NR2F1-AS1: variants seen among roughly 807,000 people sequenced by gnomAD.
NR2F1-AS1 encodes NR2F1 antisense RNA 1.
chr5:93,510,754 T>C (rs1442463786), intron 4 of NR2F1-AS1, among the ~76,000 whole-genome samples: 1 of 152,174 alleles, frequency 6.6e-6, no homozygotes, highest in Non-Finnish European at 1.5e-5. Flanking sequence ...CTCCAAGTTA[T>C]CATGCAGCCA....
upstream of NR2F1-AS1, chr5:93,584,148 T>C (rs2149940661): frequency 6.7e-6 from 1 of 149,472 alleles, no homozygotes; most frequent in Non-Finnish European, 1.5e-5. Flanking sequence ...CGGCGAGGGC[T>C]CCCGCCGGGA....
intron 4 of NR2F1-AS1, among the ~76,000 whole-genome samples, chr5:93,419,627 A>T (rs1749045760): frequency 6.6e-6 from 1 of 152,226 alleles, no homozygotes; most frequent in South Asian, 2.1e-4. Flanking sequence ...GCATAGAAAT[A>T]TCGGAAAGGA....
chr5:93,468,606 C>T (rs1296779387), intron 4 of NR2F1-AS1, among the ~76,000 whole-genome samples: 3 of 152,106 alleles, frequency 2.0e-5, no homozygotes, highest in Admixed American at 6.5e-5. Context: ...TGTCTGTTCA[C>T]TCTGATGATA....
chr5:93,510,415 T>C (rs1217755883), intron 4 of NR2F1-AS1, among the ~76,000 whole-genome samples: 1 of 152,136 alleles, frequency 6.6e-6, no homozygotes, highest in Non-Finnish European at 1.5e-5. Flanking sequence ...CCATATTCCC[T>C]TAGTGGCATC....
chr5:93,452,572 A>G (rs7442779), intron 4 of NR2F1-AS1, among the ~76,000 whole-genome samples: 4,045 of 152,328 alleles, frequency 0.027, 92 homozygotes, highest in Middle Eastern at 0.051. Context: ...GGTCTTCTGT[A>G]ATCTATGGCT....
intron 4 of NR2F1-AS1, among the ~76,000 whole-genome samples, chr5:93,493,476 T>C (rs761633203): frequency 3.3e-5 from 5 of 152,028 alleles, no homozygotes; most frequent in Admixed American, 6.6e-5. Context: ...GATAACAATA[T>C]TACCCAAATC....
chr5:93,433,939 C>T (rs369316057), intron 4 of NR2F1-AS1, among the ~76,000 whole-genome samples: 8 of 152,278 alleles, frequency 5.3e-5, no homozygotes, highest in African/African-American at 1.7e-4. Flanking sequence ...GACCTACACG[C>T]AGCCTCCCTC....
chr5:93,577,525 G>A (rs576152124), intron 1 of NR2F1-AS1, among the ~76,000 whole-genome samples: 2 of 152,304 alleles, frequency 1.3e-5, no homozygotes, highest in African/African-American at 4.8e-5. Flanking sequence ...TGGGGGTAAA[G>A]ATTTCTGAGA....
intron 4 of NR2F1-AS1, among the ~76,000 whole-genome samples, chr5:93,440,055 T>C (rs766790589): frequency 3.3e-5 from 5 of 152,134 alleles, no homozygotes; most frequent in Non-Finnish European, 7.4e-5. Flanking sequence ...ATCAGATAAG[T>C]CTTTGGAAAG....
intron 4 of NR2F1-AS1, among the ~76,000 whole-genome samples, chr5:93,521,231 A>C (rs1751495403): frequency 6.6e-6 from 1 of 152,238 alleles, no homozygotes; most frequent in African/African-American, 2.4e-5. Context: ...AGATGGATTA[A>C]AGATTTAAAT....
At chr5:93,572,533 G>A (rs1021543706) in intron 1 of NR2F1-AS1, among the ~76,000 whole-genome samples, 3 of 152,156 alleles carry the variant, frequency 2.0e-5, no homozygotes, top group African/African-American at 7.2e-5. Flanking sequence ...CCGCAGCCAC[G>A]CAACAACGCG....
chr5:93,517,997 T>G (rs1239194870), intron 4 of NR2F1-AS1, among the ~76,000 whole-genome samples: 2 of 152,090 alleles, frequency 1.3e-5, no homozygotes, highest in African/African-American at 4.8e-5. Flanking sequence ...GGTCTTGATA[T>G]GTTGCCCAAG....
chr5:93,431,227 A>G (rs1002892679), intron 4 of NR2F1-AS1, among the ~76,000 whole-genome samples: 1 of 152,184 alleles, frequency 6.6e-6, no homozygotes, highest in Non-Finnish European at 1.5e-5. Context: ...AGTTATTTCC[A>G]GATGCATAAT....
intron 4 of NR2F1-AS1, among the ~76,000 whole-genome samples, chr5:93,513,742 C>T (rs1751347389): frequency 6.6e-6 from 1 of 152,030 alleles, no homozygotes; most frequent in African/African-American, 2.4e-5. Context: ...AATCACATCC[C>T]AAACCTCAGC....
intron 4 of NR2F1-AS1, among the ~76,000 whole-genome samples, chr5:93,532,174 C>A (rs1751749793): frequency 1.3e-5 from 2 of 152,040 alleles, no homozygotes; most frequent in Admixed American, 1.3e-4. Flanking sequence ...AGTTTTTCTG[C>A]CAATATTTTT....
chr5:93,547,154 TATATGC>T (rs897636862), intron 4 of NR2F1-AS1, among the ~76,000 whole-genome samples: 3 of 152,140 alleles, frequency 2.0e-5, no homozygotes, highest in Admixed American at 6.5e-5. Context: ...TGTGTGTATG[TATATGC>T]ATATGCATAT....
chr5:93,563,985 C>G (rs557472868), intron 1 of NR2F1-AS1, among the ~76,000 whole-genome samples: 1 of 151,462 alleles, frequency 6.6e-6, no homozygotes, highest in East Asian at 1.9e-4. Flanking sequence ...GCCTGTAGTT[C>G]CAGCTACCCG....
At position 93,573,019 on chromosome 5, in the gene NR2F1-AS1, G is replaced by A. The variant is rs540287189; in HGVS notation, n.313+7448C>T. On this transcript the variant is annotated intron_variant and non_coding_transcript_variant, in intron 1 of 5. Coordinates refer to ENST00000660523, the Ensembl canonical transcript of NR2F1-AS1. ...CAATGCGCAGGTGCCAGAGGAGCCA[G>A]GAGGAGTGAGAAGCGCCCTAGACCC... Among the ~76,000 whole-genome samples the A allele has an allele frequency of 1.2e-3, 187 of 152,366 alleles. 1 individual carries two copies. Among genetic ancestry groups the A allele is most frequent in the Middle Eastern group, 3.4e-3 (1 of 294 alleles).
At chr5:93,476,999 G>C (rs917169976) in intron 4 of NR2F1-AS1, among the ~76,000 whole-genome samples, 1 of 152,146 alleles carries the variant, frequency 6.6e-6, no homozygotes, top group Admixed American at 6.5e-5. Flanking sequence ...ACCAAAGCTT[G>C]ATTTGAGCAA....
Sources: gnomAD v4.1 joint callset for allele counts (sites outside exome capture counted in the v4.1 genomes callset) on GRCh38, gnomAD v4.1.1 for gene constraint, MANE v1.5 for transcripts, NCBI Gene and HGNC (gene_info 2026-07-23, HGNC 2026-07-21) for gene names.